The following NRP1 variants were observed in gnomAD, a reference collection of about 807,000 sequenced individuals.
NRP1 encodes the protein neuropilin-1.
A neutral mutation model predicts 106.7 loss-of-function variants in NRP1; 35 were observed. That is an observed-to-expected ratio of 0.33 (90% CI 0.25 to 0.43). The LOEUF (loss-of-function observed/expected upper bound fraction) is 0.43. NRP1 is among the 20% of genes least tolerant of loss of function. The pLI is 1.00. For missense variants in NRP1, 1,024 were observed against 1,170.4 expected (o/e 0.87, Z 1.83); for synonymous variants, 437 against 417.9 (o/e 1.05, Z -0.56).
intron 6 of NRP1, among the ~76,000 whole-genome samples, chr10:33,233,306 T>A (rs1237952419): frequency 6.6e-6 from 1 of 152,168 alleles, no homozygotes; most frequent in East Asian, 1.9e-4. Context: ...TACTCTTTGT[T>A]GTAAGATATC....
chr10:33,195,544 G>A, intron 12 of NRP1: 1 of 533,452 alleles, frequency 1.9e-6, no homozygotes, highest in South Asian at 1.4e-5. Flanking sequence ...CTCATTGACT[G>A]CTGCTTGTGA....
chr10:33,178,529 C>A lies in NRP1; in HGVS notation c.*1547G>T, dbSNP rs374984369. On this transcript the variant is annotated 3_prime_UTR_variant, in exon 17 of 17. Coordinates refer to ENST00000374867, the MANE Select transcript of NRP1 (RefSeq NM_003873.7). ...CCCCTCTTATCTTAAAATACTTGAC[C>A]CCCAGGCATCAGGATTTATAGTTTC... 1.3e-5 allele frequency: 2 copies of A among 152,080 alleles called. No homozygotes were observed. The highest frequency in any genetic ancestry group is 2.9e-5 in the Non-Finnish European group (2 of 68,008). The allele number at this position is 152,080 out of a possible 1,614,324, so 9.4% of individuals were successfully genotyped here.
chr10:33,228,046 A>G (rs1016294644), intron 6 of NRP1, among the ~76,000 whole-genome samples: 1 of 152,032 alleles, frequency 6.6e-6, no homozygotes, highest in African/African-American at 2.4e-5. Context: ...TAGTTTGTAT[A>G]TAATAGTGAT....
intron 8 of NRP1, 53 bp downstream of exon 8, chr10:33,221,666 A>C (rs1839248290): frequency 1.9e-6 from 3 of 1,575,974 alleles, no homozygotes; most frequent in Middle Eastern, 1.7e-4. Context: ...CATAAATCAA[A>C]ACAAGACAAT....
intron 9 of NRP1, 32 bp from the exon 10 acceptor site, chr10:33,207,748 G>GAA (rs368815672): frequency 9.0e-5 from 116 of 1,287,162 alleles, no homozygotes; most frequent in Admixed American, 3.9e-4. Flanking sequence ...GGGCATTAAG[G>GAA]AAAAAAAAAA....
At position 33,259,008 on chromosome 10, in the gene NRP1, G is replaced by A. The variant is rs114224565; in HGVS notation, c.659-2537C>T. On this transcript the variant is annotated intron_variant, in intron 4 of 16. Coordinates refer to ENST00000374867, the MANE Select transcript of NRP1 (RefSeq NM_003873.7). The stretch of plus-strand genomic sequence containing the variant: ...GTTTACAGCCCTAATCCTTGGGGTC[G>A]TCCTCTGATCGCCACAGCCGCTGAC... 6.7e-3 allele frequency among the ~76,000 whole-genome samples: 1,024 copies of A among 152,060 alleles called. 8 individuals carry two copies. Among genetic ancestry groups the A allele is most frequent in the African/African-American group, 0.023 (966 of 41,448 alleles).
rs77958483 is a variant in NRP1, at chr10:33,324,228, T to G, written c.248+6480A>C. ...AAATCAAAAGGAAGAAAGCAGATAA[T>G]TATCTGCCTGAGTAATAACCAAGGA... On this transcript the variant is annotated intron_variant, in intron 2 of 16. Transcript: ENST00000374867. Among the ~76,000 whole-genome samples the G allele has an allele frequency of 7.5e-4, 114 of 152,288 alleles. 1 individual carries two copies. In the East Asian group the frequency reaches 0.018, roughly 25 times the overall value.
intron 13 of NRP1, among the ~76,000 whole-genome samples, chr10:33,191,605 G>A (rs1836417452): frequency 1.3e-5 from 2 of 152,168 alleles, no homozygotes; most frequent in Non-Finnish European, 2.9e-5. Context: ...GCAGGGTCGT[G>A]CACATAGAGA....
rs370374337 is a variant in NRP1 at position 33,279,299 on chromosome 10, G to C, written c.249-8443C>G. ...CAGGGCATCACGGGGCAGAAATCGA[G>C]GTGTTGGCTGGGCTGCAGTCTCATC... On this transcript the variant is annotated intron_variant, in intron 2 of 16. Coordinates refer to ENST00000374867, the MANE Select transcript of NRP1 (RefSeq NM_003873.7). 2.0e-4 allele frequency among the ~76,000 whole-genome samples: 31 copies of C among 152,330 alleles called. No homozygotes were observed. In the East Asian group the frequency reaches 5.0e-3, roughly 25 times the overall value.
chr10:33,269,928 G>A (rs1255851154), intron 3 of NRP1, among the ~76,000 whole-genome samples: 1 of 152,136 alleles, frequency 6.6e-6, no homozygotes, highest in African/African-American at 2.4e-5. Context: ...TCTACCTTAT[G>A]GTGAGTTGTA....
At chr10:33,274,058 A>T (rs1216430411) in intron 2 of NRP1, among the ~76,000 whole-genome samples, 2 of 152,098 alleles carry the variant, frequency 1.3e-5, no homozygotes, top group African/African-American at 4.8e-5. Flanking sequence ...TAAATTTTCT[A>T]CCTTAAACCT....
At chr10:33,329,284 G>A (rs1589007309) in intron 2 of NRP1, among the ~76,000 whole-genome samples, 1 of 152,164 alleles carries the variant, frequency 6.6e-6, no homozygotes, top group African/African-American at 2.4e-5. Flanking sequence ...TGGAATTGGT[G>A]TAATTTTGTT....
chr10:33,311,293 A>G (rs1441938360), intron 2 of NRP1, among the ~76,000 whole-genome samples: 2 of 152,326 alleles, frequency 1.3e-5, no homozygotes, highest in Admixed American at 6.5e-5. Context: ...TCCTCAGCCA[A>G]CAATTGCCTC....
chr10:33,313,160 T>C (rs1480570883), intron 2 of NRP1, among the ~76,000 whole-genome samples: 1 of 152,218 alleles, frequency 6.6e-6, no homozygotes, highest in Non-Finnish European at 1.5e-5. Flanking sequence ...AAGTAGGCAA[T>C]TCCTTAGAAT....
At chr10:33,203,174 C>A (rs551648287) in intron 10 of NRP1, among the ~76,000 whole-genome samples, 179 bp from the exon 11 acceptor site, 78 of 152,356 alleles carry the variant, frequency 5.1e-4, no homozygotes, top group Non-Finnish European at 7.9e-4. Flanking sequence ...TATATAATAG[C>A]AGAGGCTGCT....
chr10:33,178,405 T>C lies in NRP1; in HGVS notation c.*1671A>G, dbSNP rs1351194059. ...AGCCCTAAGGCAGGCTTATTCTTTG[T>C]GAGCCGCTGGAAGTTTCTAGAAGCA... On this transcript the variant is annotated 3_prime_UTR_variant, in exon 17 of 17. Coordinates refer to ENST00000374867, the MANE Select transcript of NRP1 (RefSeq NM_003873.7). The C allele has an allele frequency of 6.6e-6, 1 of 152,256 alleles. No individual in the cohort carries two copies. The highest frequency in any genetic ancestry group is 1.5e-5 in the Non-Finnish European group (1 of 68,032). 9.4% of individuals were successfully genotyped at this position (152,256 alleles called of 1,614,324 possible).
intron 2 of NRP1, among the ~76,000 whole-genome samples, chr10:33,286,104 C>T (rs1426294508): frequency 1.3e-5 from 2 of 152,156 alleles, no homozygotes; most frequent in African/African-American, 4.8e-5. Flanking sequence ...TTTCACTTCC[C>T]TATGATGAGT....
At chr10:33,208,851 C>A (rs1838037556) in intron 9 of NRP1, among the ~76,000 whole-genome samples, 1 of 149,728 alleles carries the variant, frequency 6.7e-6, no homozygotes, top group South Asian at 2.1e-4. Flanking sequence ...TGAAAAAAAT[C>A]TCTAAGGTGA....
chr10:33,331,026 C>A, intron 1 of NRP1, 144 bp from the exon 2 acceptor site: 1 of 631,920 alleles, frequency 1.6e-6, no homozygotes. Flanking sequence ...TCGTGTGGCT[C>A]TGAGTGCAAC....
Sources: gnomAD v4.1 joint callset for allele counts (sites outside exome capture counted in the v4.1 genomes callset) on GRCh38, gnomAD v4.1.1 for gene constraint, MANE v1.5 for transcripts, NCBI Gene and HGNC (gene_info 2026-07-23, HGNC 2026-07-21) for gene names.